BNC2: variants seen among roughly 807,000 people sequenced by gnomAD.
BNC2 encodes zinc finger protein basonuclin-2.
A neutral mutation model predicts 76.3 loss-of-function variants in BNC2; 20 were observed. The ratio of observed to expected loss-of-function variants is 0.26; its 90% CI spans 0.18 to 0.38. The LOEUF is 0.38. Ranked by LOEUF, BNC2 falls within the 10% of genes least tolerant of loss-of-function variation. The pLI is 1.00. For missense variants in BNC2, 1,382 were observed against 1,399.8 expected (o/e 0.99, Z 0.20); for synonymous variants, 582 against 514.8 (o/e 1.13, Z -1.77).
intron 3 of BNC2, among the ~76,000 whole-genome samples, chr9:16,665,474 G>GAAAGAAAT (rs1563888021): frequency 7.1e-6 from 1 of 140,844 alleles, no homozygotes; most frequent in African/African-American, 2.8e-5. Flanking sequence ...AAGAAAGAAA[G>GAAAGAAAT]AAAGAAAGAA....
chr9:16,597,692 A>C (rs200571665), intron 3 of BNC2, among the ~76,000 whole-genome samples: 2 of 152,282 alleles, frequency 1.3e-5, no homozygotes, highest in East Asian at 3.9e-4. Flanking sequence ...TTTGTTTTAC[A>C]CATGAGAAGG....
intron 3 of BNC2, among the ~76,000 whole-genome samples, chr9:16,688,985 CCT>C (rs1823063177): frequency 6.6e-6 from 1 of 151,712 alleles, no homozygotes; most frequent in African/African-American, 2.4e-5. Flanking sequence ...AGTATAAAGG[CCT>C]CTCTCTCTCC....
At chr9:16,512,959 A>T (rs1822794427) in intron 5 of BNC2, among the ~76,000 whole-genome samples, 1 of 152,106 alleles carries the variant, frequency 6.6e-6, no homozygotes, top group Admixed American at 6.6e-5. Context: ...AACATGGTGA[A>T]ACCCGTCTCC....
Position 16,694,716 on chromosome 9 carries a change from AT to A in BNC2, c.330+33080del, listed in dbSNP as rs1235670115. ...AAGAAGAAAGGAAATGAGAAAGCAG[AT>A]TCAGTCCTGCTGTTCCATACAGGAA... is the stretch of plus-strand genomic sequence containing the variant. On this transcript the variant is annotated intron_variant, in intron 3 of 6. Coordinates refer to ENST00000380672, the MANE Select transcript of BNC2 (RefSeq NM_017637.6). Among the ~76,000 whole-genome samples the A allele has an allele frequency of 3.3e-5, 5 of 152,244 alleles. No individual in the cohort carries two copies. In the South Asian group the frequency reaches 1.0e-3, roughly 32 times the overall value.
At chr9:16,486,627 A>G (rs1822169505) in intron 5 of BNC2, among the ~76,000 whole-genome samples, 1 of 152,226 alleles carries the variant, frequency 6.6e-6, no homozygotes, top group African/African-American at 2.4e-5. Context: ...TAGGCTCTCA[A>G]ATATTTGCAC....
chr9:16,838,639 T>C (rs151035062), intron 1 of BNC2, among the ~76,000 whole-genome samples: 23 of 152,306 alleles, frequency 1.5e-4, no homozygotes, highest in Non-Finnish European at 3.4e-4. Flanking sequence ...CACCACAGAA[T>C]CACATCACAC....
chr9:16,452,889 T>C (rs541158446), intron 5 of BNC2, among the ~76,000 whole-genome samples: 5 of 152,314 alleles, frequency 3.3e-5, no homozygotes, highest in African/African-American at 1.2e-4. Flanking sequence ...ACTTCAACTC[T>C]AAGGATGTCT....
chr9:16,496,231 C>CA lies in BNC2; in HGVS notation c.669+56298dup, dbSNP rs554706271. On this transcript the variant is annotated intron_variant, in intron 5 of 6. Transcript: ENST00000380672. ...GCCCTTTAGAATGTTTCATTAAAAA[C>CA]AAAAAAACAAAACAAAACAAAACAA... Among the ~76,000 whole-genome samples the CA allele has an allele frequency of 4.5e-3, 689 of 151,976 alleles. 7 individuals are homozygous for CA. Among genetic ancestry groups the CA allele is most frequent in the Non-Finnish European group, 7.8e-3 (527 of 67,922 alleles).
At chr9:16,610,931 T>C (rs1422585728) in intron 3 of BNC2, among the ~76,000 whole-genome samples, 1 of 152,210 alleles carries the variant, frequency 6.6e-6, no homozygotes, top group Non-Finnish European at 1.5e-5. Flanking sequence ...TTTTTAATAA[T>C]ACAGCTCCTG....
intron 3 of BNC2, among the ~76,000 whole-genome samples, chr9:16,709,091 C>G (rs1050614255): frequency 6.6e-6 from 1 of 152,148 alleles, no homozygotes; most frequent in African/African-American, 2.4e-5. Context: ...TTAGGGAAAG[C>G]CTGTCAGCCA....
chr9:16,647,006 G>A (rs1821648035), intron 3 of BNC2, among the ~76,000 whole-genome samples: 1 of 152,134 alleles, frequency 6.6e-6, no homozygotes, highest in Non-Finnish European at 1.5e-5. Flanking sequence ...GAGAGAGCAA[G>A]TTAAAAGTAT....
At chr9:16,790,049 G>A (rs900845215) in intron 1 of BNC2, among the ~76,000 whole-genome samples, 8 of 152,206 alleles carry the variant, frequency 5.3e-5, no homozygotes, top group African/African-American at 1.7e-4. Flanking sequence ...GCCTAGGCTG[G>A]AGTGCAGTGG....
chr9:16,529,603 G>GTTTA (rs1427482385), intron 5 of BNC2, among the ~76,000 whole-genome samples: 2 of 152,064 alleles, frequency 1.3e-5, no homozygotes, highest in African/African-American at 2.4e-5. Flanking sequence ...TGGAAAAAGG[G>GTTTA]TTTAGTCAAA....
At chr9:16,477,192 G>C (rs1587073478) in intron 5 of BNC2, among the ~76,000 whole-genome samples, 1 of 152,198 alleles carries the variant, frequency 6.6e-6, no homozygotes, top group East Asian at 1.9e-4. Context: ...AGGAGCTGGA[G>C]GTTCCCAAGT....
intron 1 of BNC2, among the ~76,000 whole-genome samples, chr9:16,788,277 G>T (rs1826352489): frequency 6.6e-6 from 1 of 152,106 alleles, no homozygotes; most frequent in Non-Finnish European, 1.5e-5. Flanking sequence ...TCCTGGGCCA[G>T]GCGCGGTGGC....
intron 3 of BNC2, among the ~76,000 whole-genome samples, chr9:16,596,043 A>G (rs1820060094): frequency 6.6e-6 from 1 of 152,258 alleles, no homozygotes; most frequent in South Asian, 2.1e-4. Context: ...TGAACTAAGA[A>G]GGATTTACTT....
chr9:16,807,932 C>T (rs1586900212), intron 1 of BNC2, among the ~76,000 whole-genome samples: 2 of 152,092 alleles, frequency 1.3e-5, no homozygotes, highest in East Asian at 1.9e-4. Flanking sequence ...AGAACATAGG[C>T]AAATCCTAGC....
At chr9:16,785,664 C>G (rs367729780) in intron 1 of BNC2, among the ~76,000 whole-genome samples, 4 of 150,458 alleles carry the variant, frequency 2.7e-5, no homozygotes, top group African/African-American at 9.8e-5. Context: ...TCCCAAAGTG[C>G]TGGGATGAGC....
chr9:16,861,181 A>AATATATACATAT lies in BNC2; in HGVS notation c.3+9464_3+9465insATATGTATATAT, dbSNP rs1554752616. 3.0e-5 allele frequency among the ~76,000 whole-genome samples: 4 copies of AATATATACATAT among 131,698 alleles called. 1 individual carries two copies. Among genetic ancestry groups the AATATATACATAT allele is most frequent in the Admixed American group, 1.5e-4 (2 of 13,338 alleles). The allele number at this position is 131,698 out of a possible 152,430, so 86.4% of individuals were successfully genotyped here. A position where few individuals can be genotyped will look rare whatever the true frequency, so the allele number is the denominator to read the frequency against. ...ACATGGTAATACCCTATCTCTACAA[A>AATATATACATAT]ATATATATATATATATATATAAATT... On this transcript the variant is annotated intron_variant, in intron 1 of 6. Coordinates refer to ENST00000380672, the MANE Select transcript of BNC2 (RefSeq NM_017637.6).
Sources: gnomAD v4.1 joint callset for allele counts (sites outside exome capture counted in the v4.1 genomes callset) on GRCh38, gnomAD v4.1.1 for gene constraint, MANE v1.5 for transcripts, NCBI Gene and HGNC (gene_info 2026-07-23, HGNC 2026-07-21) for gene names.